The following SUCLG1 variants were observed in gnomAD, a reference collection of about 807,000 sequenced individuals.
SUCLG1 encodes the protein succinate--CoA ligase [ADP/GDP-forming] subunit alpha, mitochondrial.
A neutral mutation model predicts 37.3 loss-of-function variants in SUCLG1; 26 were observed. That is an observed-to-expected ratio of 0.70 (90% CI 0.51 to 0.97). The LOEUF (loss-of-function observed/expected upper bound fraction) is 0.97. SUCLG1 is among the 50% of genes least tolerant of loss of function. SUCLG1 has a pLI of 0.00. For missense variants in SUCLG1, 433 were observed against 432.9 expected, an observed-to-expected ratio of 1.00 and a Z score of 0.00; for synonymous variants, 163 against 155.6, an observed-to-expected ratio of 1.05 and a Z score of -0.36.
chr2:84,453,416 T>C (rs1032843612), intron 1 of SUCLG1, among the ~76,000 whole-genome samples: 1 of 46,196 alleles, frequency 2.2e-5, no homozygotes, highest in Non-Finnish European at 1.1e-4. Context: ...AAAATAAGTA[T>C]TATTATTATT....
chr2:84,423,844 T>C, intron 8 of SUCLG1, 72 bp from the exon 9 acceptor site: 1 of 1,488,124 alleles, frequency 6.7e-7, no homozygotes. Flanking sequence ...ACATTTAGGA[T>C]CAAAATGATT....
chr2:84,446,717 G>C (rs139700979), intron 2 of SUCLG1, among the ~76,000 whole-genome samples: 1 of 151,742 alleles, frequency 6.6e-6, no homozygotes, highest in Non-Finnish European at 1.5e-5. Context: ...GGAAGGGAGA[G>C]AGGGAGGGGG....
At position 84,449,679 on chromosome 2, in the gene SUCLG1, CT is replaced by C; in HGVS notation, c.170del (p.Lys57ArgfsTer48). 1 of 1,571,334 alleles carries C rather than the reference CT, an allele frequency of 6.4e-7. No individual in the cohort carries two copies. Among genetic ancestry groups the C allele is most frequent in the Non-Finnish European group, 8.6e-7 (1 of 1,158,580 alleles). ...TGCCAGTGAAACCCTGGCAAATAAT[CT>C]TTGTATTTTTATCAACATAGAGATG... ...RQHLYVDKNT[K>X]IICQGFTGKQ... On this transcript the variant is annotated frameshift_variant, in exon 2 of 9. Coordinates refer to ENST00000393868, the MANE Select transcript of SUCLG1 (RefSeq NM_003849.4). LOFTEE classifies it high-confidence loss of function.
At chr2:84,451,956 T>C (rs17025063) in intron 1 of SUCLG1, among the ~76,000 whole-genome samples, 1 of 152,100 alleles carries the variant, frequency 6.6e-6, no homozygotes, top group Non-Finnish European at 1.5e-5. Flanking sequence ...TCACATTCCA[T>C]CCTGACAATA....
chr2:84,444,392 C>T (rs936392768), intron 2 of SUCLG1, among the ~76,000 whole-genome samples: 6 of 152,038 alleles, frequency 3.9e-5, no homozygotes, highest in African/African-American at 1.2e-4. Context: ...CCCCCTAAGC[C>T]GTAAAACCAG....
At chr2:84,454,223 A>T (rs1191180536) in intron 1 of SUCLG1, among the ~76,000 whole-genome samples, 1 of 152,248 alleles carries the variant, frequency 6.6e-6, no homozygotes, top group Non-Finnish European at 1.5e-5. Flanking sequence ...CCTTGTGTAC[A>T]TCTTATATGT....
chr2:84,444,292 T>A (rs1672816021), intron 2 of SUCLG1, among the ~76,000 whole-genome samples: 2 of 152,058 alleles, frequency 1.3e-5, no homozygotes, highest in South Asian at 2.1e-4. Context: ...TGTCAGCTGG[T>A]CTGAGAAATA....
chr2:84,447,091 C>A (rs1264310314), intron 2 of SUCLG1, among the ~76,000 whole-genome samples: 1 of 152,170 alleles, frequency 6.6e-6, no homozygotes, highest in South Asian at 2.1e-4. Context: ...CAAGATGACA[C>A]CCACTGGAAA....
intron 3 of SUCLG1, 107 bp from the exon 4 acceptor site, chr2:84,441,566 T>C (rs1672774145): frequency 6.5e-6 from 8 of 1,234,448 alleles, no homozygotes; most frequent in Non-Finnish European, 9.3e-6. Flanking sequence ...AAAAGGACAC[T>C]ACCCAGAGAC....
In SUCLG1 at chr2:84,454,648, C is replaced by T. The variant is rs557658128; in HGVS notation, c.97+4525G>A. ...AAAAAAAACAAAACTACCAACAGTA[C>T]AAACTGTAATAAAGACAATGAAGGA... On this transcript the variant is annotated intron_variant, in intron 1 of 8. Transcript: ENST00000393868. 1.8e-4 allele frequency among the ~76,000 whole-genome samples: 27 copies of T among 152,254 alleles called. 1 individual carries two copies. In the South Asian group the frequency reaches 5.4e-3, roughly 30 times the overall value.
intron 3 of SUCLG1, 34 bp from the exon 4 acceptor site, chr2:84,441,493 G>T: frequency 6.3e-7 from 1 of 1,590,818 alleles, no homozygotes; most frequent in African/African-American, 1.3e-5. Flanking sequence ...CTTATTATTT[G>T]TTAAATCATA....
At chr2:84,449,861 G>A (rs1280510493) in intron 1 of SUCLG1, 109 bp from the exon 2 acceptor site, 5 of 782,944 alleles carry the variant, frequency 6.4e-6, no homozygotes, top group African/African-American at 3.6e-5. Context: ...TTTAATGCAC[G>A]CGCTATCCTG....
chr2:84,442,960 G>A (rs1212341123), intron 3 of SUCLG1, among the ~76,000 whole-genome samples: 3 of 152,178 alleles, frequency 2.0e-5, no homozygotes, highest in Non-Finnish European at 4.4e-5. Flanking sequence ...CTAGCACAGT[G>A]CCTACTGCAT....
chr2:84,445,086 TTAAAG>T (rs1389739095), intron 2 of SUCLG1, among the ~76,000 whole-genome samples: 1 of 152,076 alleles, frequency 6.6e-6, no homozygotes, highest in Non-Finnish European at 1.5e-5. Flanking sequence ...GACTAAGAGA[TTAAAG>T]TAAAGACAGG....
At chr2:84,441,205 G>T (rs1370398977) in intron 4 of SUCLG1, 42 bp downstream of exon 4, 1 of 1,613,220 alleles carries the variant, frequency 6.2e-7, no homozygotes, top group African/African-American at 1.3e-5. Flanking sequence ...TTAGCCTTGT[G>T]AGAGGCTTAA....
intron 2 of SUCLG1, among the ~76,000 whole-genome samples, chr2:84,445,269 G>A (rs576536835): frequency 4.6e-5 from 7 of 152,256 alleles, no homozygotes; most frequent in South Asian, 4.1e-4. Flanking sequence ...TTCTTCTGCC[G>A]TGGCTTCAGC....
intron 1 of SUCLG1, among the ~76,000 whole-genome samples, chr2:84,455,077 G>A (rs1186485718): frequency 5.9e-5 from 9 of 152,170 alleles, no homozygotes; most frequent in African/African-American, 2.2e-4. Context: ...TAATACAGCA[G>A]AGTAGCTAGC....
intron 7 of SUCLG1, among the ~76,000 whole-genome samples, chr2:84,430,052 T>C (rs1375579763): frequency 1.3e-5 from 2 of 151,316 alleles, no homozygotes; most frequent in Admixed American, 6.6e-5. Flanking sequence ...GTTTCTGCCA[T>C]AGAAATAGGC....
At chr2:84,433,490 C>T (rs2104245340) in intron 5 of SUCLG1, 55 bp from the exon 6 acceptor site, 1 of 1,451,862 alleles carries the variant, frequency 6.9e-7, no homozygotes, top group Admixed American at 1.7e-5. Context: ...TAGACTAAAA[C>T]ATGGTAAACT....
Sources: gnomAD v4.1 joint callset for allele counts (sites outside exome capture counted in the v4.1 genomes callset) on GRCh38, gnomAD v4.1.1 for gene constraint, MANE v1.5 for transcripts, NCBI Gene and HGNC (gene_info 2026-07-23, HGNC 2026-07-21) for gene names.